Variants in CNTNAP5 observed in about 807,000 individuals in gnomAD.
CNTNAP5 encodes contactin associated protein family member 5, also known as contactin-associated protein-like 5.
CNTNAP5 carries 72 observed loss-of-function variants against 150.2 expected under a neutral mutation model. The observed-to-expected ratio is 0.48, with a 90% CI of 0.40 to 0.58. The LOEUF is 0.58. CNTNAP5 is among the 20% of genes least tolerant of loss of function. CNTNAP5 has a pLI of 0.00. For missense variants in CNTNAP5, 1,636 were observed against 1,626.2 expected (o/e 1.01, Z -0.10); for synonymous variants, 672 against 619.8 (o/e 1.08, Z -1.25).
intron 9 of CNTNAP5, among the ~76,000 whole-genome samples, chr2:124,524,738 C>A (rs1694927465): frequency 6.6e-6 from 1 of 152,120 alleles, no homozygotes; most frequent in Admixed American, 6.5e-5. Context: ...ATTTTTGTAG[C>A]CATGCCAAGC....
intron 1 of CNTNAP5, among the ~76,000 whole-genome samples, chr2:124,186,104 G>A (rs932813794): frequency 1.3e-5 from 2 of 152,158 alleles, no homozygotes; most frequent in African/African-American, 4.8e-5. Flanking sequence ...GGGCCTTAGG[G>A]TCCTGAGTGG....
chr2:124,786,351 G>GAAA (rs1681571816), intron 17 of CNTNAP5, among the ~76,000 whole-genome samples: 61 of 92,136 alleles, frequency 6.6e-4, no homozygotes, highest in African/African-American at 2.6e-3. Flanking sequence ...AAGAAAGAAA[G>GAAA]GAAGAAAGAA....
At chr2:124,581,348 T>C (rs185677038) in intron 11 of CNTNAP5, among the ~76,000 whole-genome samples, 73 of 152,304 alleles carry the variant, frequency 4.8e-4, no homozygotes, top group African/African-American at 1.7e-3. Flanking sequence ...TTTGTAATAG[T>C]CTCTAGTCTC....
At chr2:124,245,994 C>G (rs953892718) in intron 3 of CNTNAP5, among the ~76,000 whole-genome samples, 3 of 152,062 alleles carry the variant, frequency 2.0e-5, no homozygotes, top group African/African-American at 7.2e-5. Flanking sequence ...ATCCTCCCAC[C>G]ATGACCTCAG....
chr2:124,228,665 C>G (rs530429662), intron 2 of CNTNAP5, among the ~76,000 whole-genome samples: 10 of 152,218 alleles, frequency 6.6e-5, no homozygotes, highest in African/African-American at 2.4e-4. Flanking sequence ...ACTGAAAGAT[C>G]ATACTATATT....
At chr2:124,862,847 G>A (rs528073938) in intron 19 of CNTNAP5, among the ~76,000 whole-genome samples, 4 of 152,260 alleles carry the variant, frequency 2.6e-5, no homozygotes, top group Non-Finnish European at 4.4e-5. Flanking sequence ...CATCACATTC[G>A]CGGGTGGAGG....
At chr2:124,645,959 T>A (rs1277439334) in intron 12 of CNTNAP5, among the ~76,000 whole-genome samples, 1 of 152,212 alleles carries the variant, frequency 6.6e-6, no homozygotes, top group South Asian at 2.1e-4. Context: ...CAGATGTCAC[T>A]GTCGCAAAGA....
At position 124,814,727 on chromosome 2, in the gene CNTNAP5, A is replaced by G. The variant is rs368845376; in HGVS notation, c.3217+16407A>G. Among the ~76,000 whole-genome samples, 92 of 152,366 alleles carry G rather than the reference A, an allele frequency of 6.0e-4. 3 individuals are homozygous for G. Among genetic ancestry groups the G allele is most frequent in the African/African-American group, 2.1e-3 (86 of 41,592 alleles). On this transcript the variant is annotated intron_variant, in intron 19 of 23. Coordinates refer to ENST00000682447, the MANE Select transcript of CNTNAP5 (RefSeq NM_001367498.1). ...TTGGCTAACAACCTTGCTTAAAAGC[A>G]CAGAAATAAAATGAGAGTAAAACTT...
chr2:124,326,432 T>A (rs1689219101), intron 3 of CNTNAP5, among the ~76,000 whole-genome samples: 2 of 152,192 alleles, frequency 1.3e-5, no homozygotes, highest in South Asian at 4.1e-4. Flanking sequence ...GCTTTTCTCA[T>A]ATGTACCCCC....
At chr2:124,699,668 G>A (rs1483109324) in intron 13 of CNTNAP5, among the ~76,000 whole-genome samples, 2 of 152,120 alleles carry the variant, frequency 1.3e-5, no homozygotes, top group African/African-American at 4.8e-5. Context: ...TAGCAATCCT[G>A]GGAGGTTAAT....
Position 124,918,623 on chromosome 2 carries a change from T to C in CNTNAP5, c.*4335T>C, listed in dbSNP as rs1482281870. ...TTGACAGACTGTTCACCAACTGCCCTAGCTTCCTTTAAGCTTCCCCATAGC... is the reference window on the plus strand; with the variant it reads ...TTGACAGACTGTTCACCAACTGCCCCAGCTTCCTTTAAGCTTCCCCATAGC... On this transcript the variant is annotated 3_prime_UTR_variant, in exon 24 of 24. Transcript: ENST00000682447. 6.6e-6 allele frequency among the ~76,000 whole-genome samples: 1 copy of C among 152,078 alleles called. No individual in the cohort carries two copies. Among genetic ancestry groups the C allele is most frequent in the Non-Finnish European group, 1.5e-5 (1 of 67,978 alleles).
At chr2:124,785,265 G>C (rs2104625357) in intron 17 of CNTNAP5, among the ~76,000 whole-genome samples, 1 of 152,248 alleles carries the variant, frequency 6.6e-6, no homozygotes, top group East Asian at 1.9e-4. Context: ...TGGGTTCTGT[G>C]GTCAAGTGGA....
intron 8 of CNTNAP5, among the ~76,000 whole-genome samples, chr2:124,518,675 T>G (rs531292993): frequency 1.2e-4 from 19 of 152,220 alleles, no homozygotes; most frequent in Admixed American, 3.3e-4. Context: ...ACAATTCACA[T>G]ATCCATCAAC....
chr2:124,156,484 A>T (rs1684551436), intron 1 of CNTNAP5, among the ~76,000 whole-genome samples: 1 of 152,074 alleles, frequency 6.6e-6, no homozygotes, highest in Admixed American at 6.6e-5. Context: ...AAAAATGTGA[A>T]CATTTTGCCT....
At chr2:124,323,260 G>T (rs899337906) in intron 3 of CNTNAP5, among the ~76,000 whole-genome samples, 1 of 152,140 alleles carries the variant, frequency 6.6e-6, no homozygotes, top group Non-Finnish European at 1.5e-5. Flanking sequence ...ACAAAACAGA[G>T]ATCTCAGATC....
chr2:124,734,537 T>A (rs1264743330), intron 13 of CNTNAP5, among the ~76,000 whole-genome samples: 7 of 151,938 alleles, frequency 4.6e-5, no homozygotes, highest in African/African-American at 1.7e-4. Context: ...CTTTTGGGAC[T>A]CTTGTAGCAA....
chr2:124,369,840 G>A (rs1368016870), intron 3 of CNTNAP5, among the ~76,000 whole-genome samples: 3 of 152,100 alleles, frequency 2.0e-5, no homozygotes, highest in Non-Finnish European at 4.4e-5. Context: ...AGTTCCCTCA[G>A]GCTTATCAGA....
intron 3 of CNTNAP5, among the ~76,000 whole-genome samples, chr2:124,410,698 C>A (rs548004794): frequency 6.6e-6 from 1 of 151,612 alleles, no homozygotes; most frequent in African/African-American, 2.4e-5. Flanking sequence ...AAAGACACAA[C>A]ATACCAGAAT....
intron 7 of CNTNAP5, among the ~76,000 whole-genome samples, chr2:124,500,108 C>A (rs188391223): frequency 4.6e-5 from 7 of 152,186 alleles, no homozygotes; most frequent in African/African-American, 1.7e-4. Flanking sequence ...ATGCCCTCAA[C>A]GGAGTGGATG....
Sources: gnomAD v4.1 joint callset for allele counts (sites outside exome capture counted in the v4.1 genomes callset) on GRCh38, gnomAD v4.1.1 for gene constraint, MANE v1.5 for transcripts, NCBI Gene and HGNC (gene_info 2026-07-23, HGNC 2026-07-21) for gene names.